The following NEGR1 variants were observed in gnomAD, a reference collection of about 807,000 sequenced individuals.
The protein encoded by NEGR1 is neuronal growth regulator 1, also known as IgLON family member 4.
In NEGR1, 10 loss-of-function variants were observed where a neutral mutation model predicts 40.9. That is an observed-to-expected ratio of 0.24 (90% CI 0.15 to 0.42). The LOEUF is 0.42. Among genes scored for constraint, NEGR1 ranks in the 10% least tolerant of loss-of-function variants. The probability of loss-of-function intolerance (pLI) is 1.00; values close to 1 mark genes in which losing one functional copy is unlikely to be tolerated. For missense variants in NEGR1, 352 were observed against 438.9 expected (o/e 0.80, Z 1.77); for synonymous variants, 185 against 166.8 (o/e 1.11, Z -0.84).
intron 6 of NEGR1, among the ~76,000 whole-genome samples, chr1:71,505,547 C>CT (rs1557549062): frequency 6.6e-6 from 1 of 152,130 alleles, no homozygotes; most frequent in African/African-American, 2.4e-5. Flanking sequence ...TCCCAAAGTG[C>CT]TGGGATTACA....
chr1:72,267,251 C>T (rs1655677697), intron 1 of NEGR1, among the ~76,000 whole-genome samples: 2 of 150,860 alleles, frequency 1.3e-5, no homozygotes, highest in Admixed American at 1.3e-4. Flanking sequence ...TGCAAGGACC[C>T]CATCTTACAT....
chr1:71,975,682 C>G (rs750887887), intron 1 of NEGR1, among the ~76,000 whole-genome samples: 1 of 152,138 alleles, frequency 6.6e-6, no homozygotes, highest in African/African-American at 2.4e-5. Flanking sequence ...CATCCCATAC[C>G]CTCTTCACTG....
At chr1:72,006,312 T>C (rs996975989) in intron 1 of NEGR1, among the ~76,000 whole-genome samples, 1 of 152,022 alleles carries the variant, frequency 6.6e-6, no homozygotes, top group African/African-American at 2.4e-5. Flanking sequence ...GTTCTGAGAG[T>C]AAATAAGCCT....
At chr1:71,609,279 G>T (rs540857632) in intron 5 of NEGR1, among the ~76,000 whole-genome samples, 1 of 151,892 alleles carries the variant, frequency 6.6e-6, no homozygotes. Context: ...ACTTTGGGAG[G>T]CCGAGGCGGG....
At chr1:72,214,762 T>C (rs996081282) in intron 1 of NEGR1, among the ~76,000 whole-genome samples, 3 of 151,538 alleles carry the variant, frequency 2.0e-5, no homozygotes, top group African/African-American at 7.3e-5. Flanking sequence ...AGAATCAATA[T>C]CATGTAAATG....
intron 3 of NEGR1, among the ~76,000 whole-genome samples, chr1:71,740,390 A>C (rs2101675553): frequency 6.6e-6 from 1 of 152,294 alleles, no homozygotes; most frequent in South Asian, 2.1e-4. Flanking sequence ...AGATTAATAT[A>C]AATATGATCA....
intron 2 of NEGR1, among the ~76,000 whole-genome samples, chr1:71,810,329 G>A (rs749795348): frequency 1.1e-4 from 16 of 152,048 alleles, no homozygotes; most frequent in Non-Finnish European, 1.6e-4. Flanking sequence ...CACAGAGAAT[G>A]GAATTGACAG....
At chr1:71,958,573 C>CA (rs1021120749) in intron 1 of NEGR1, among the ~76,000 whole-genome samples, 1 of 152,166 alleles carries the variant, frequency 6.6e-6, no homozygotes, top group Admixed American at 6.5e-5. Flanking sequence ...TACTCTGCCT[C>CA]AAAAAAATTC....
intron 1 of NEGR1, among the ~76,000 whole-genome samples, chr1:72,222,889 T>C (rs1654059630): frequency 6.6e-6 from 1 of 152,092 alleles, no homozygotes; most frequent in Non-Finnish European, 1.5e-5. Context: ...CCAACCCAGG[T>C]GTCAGACATG....
chr1:72,021,782 A>G lies in NEGR1; in HGVS notation c.177-86471T>C, dbSNP rs532214760. Among the ~76,000 whole-genome samples the G allele has an allele frequency of 7.2e-5, 11 of 152,334 alleles. 1 individual carries two copies. The East Asian group carries it at 1.3e-3, about 19-fold the overall frequency. ...AAAAAACAACATGTCTGGTTTTGAC[A>G]GGCAAATTCTATAAGTCACTTGGCG... On this transcript the variant is annotated intron_variant, in intron 1 of 6. Transcript: ENST00000357731.
At chr1:71,554,657 C>A (rs1008642559) in intron 6 of NEGR1, among the ~76,000 whole-genome samples, 1 of 151,498 alleles carries the variant, frequency 6.6e-6, no homozygotes, top group East Asian at 2.0e-4. Flanking sequence ...TTCACAGAAC[C>A]TACTCTCCTC....
intron 2 of NEGR1, among the ~76,000 whole-genome samples, chr1:71,901,072 C>T (rs913921348): frequency 1.3e-5 from 2 of 152,132 alleles, no homozygotes; most frequent in African/African-American, 4.8e-5. Context: ...ACTTTAAAAT[C>T]ATCTAATGAT....
At chr1:71,597,466 C>CTG (rs1460180034) in intron 5 of NEGR1, among the ~76,000 whole-genome samples, 3 of 17,970 alleles carry the variant, frequency 1.7e-4, no homozygotes, top group Non-Finnish European at 1.1e-3. Context: ...CTCTCTCTCT[C>CTG]TCTCTCTGTG....
At chr1:72,102,280 C>T (rs1033344596) in intron 1 of NEGR1, among the ~76,000 whole-genome samples, 9 of 151,878 alleles carry the variant, frequency 5.9e-5, no homozygotes, top group African/African-American at 2.2e-4. Context: ...ATCCAACCCC[C>T]CCATAATTCA....
intron 2 of NEGR1, among the ~76,000 whole-genome samples, chr1:71,871,402 T>C (rs937316215): frequency 6.6e-6 from 1 of 152,142 alleles, no homozygotes; most frequent in Non-Finnish European, 1.5e-5. Context: ...TAATATTGTC[T>C]TGTCAGGTCA....
At chr1:71,920,803 G>T (rs1241037475) in intron 2 of NEGR1, among the ~76,000 whole-genome samples, 2 of 152,092 alleles carry the variant, frequency 1.3e-5, no homozygotes, top group Non-Finnish European at 2.9e-5. Context: ...TCAAAGCTCA[G>T]AATACTTCTA....
intron 6 of NEGR1, among the ~76,000 whole-genome samples, chr1:71,531,752 T>A (rs357239): frequency 0.056 from 8,426 of 151,442 alleles, 780 homozygotes; most frequent in African/African-American, 0.19. Context: ...TGAGAGGTTA[T>A]GAAAAAGTAT....
chr1:71,754,124 G>T (rs376710007), intron 3 of NEGR1, among the ~76,000 whole-genome samples: 2 of 152,144 alleles, frequency 1.3e-5, no homozygotes, highest in Non-Finnish European at 2.9e-5. Flanking sequence ...GGAACTTTGT[G>T]TTCCTCAGAA....
At chr1:72,159,872 AAC>A (rs1435264818) in intron 1 of NEGR1, among the ~76,000 whole-genome samples, 3 of 152,144 alleles carry the variant, frequency 2.0e-5, no homozygotes, top group Non-Finnish European at 2.9e-5. Context: ...AATAAAAACA[AAC>A]ACACAAACTA....
Sources: allele counts gnomAD v4.1 joint callset (sites outside exome capture counted in the v4.1 genomes callset), GRCh38; gene constraint gnomAD v4.1.1; transcripts MANE v1.5; gene names NCBI Gene and HGNC (gene_info 2026-07-23, HGNC 2026-07-21).